The following EPM2A variants were observed in gnomAD, a reference collection of about 807,000 sequenced individuals.
The protein encoded by EPM2A is laforin.
Under a neutral mutation model 26.5 loss-of-function variants are expected in EPM2A, and 21 were observed. The observed-to-expected ratio is 0.79, with a 90% CI of 0.56 to 1.14. The LOEUF (loss-of-function observed/expected upper bound fraction) is 1.14. Ranked by LOEUF, EPM2A falls within the 50% of genes most tolerant of loss-of-function variation. EPM2A has a pLI of 0.00. For missense variants in EPM2A, 458 were observed against 440.8 expected (o/e 1.04, Z -0.35); for synonymous variants, 217 against 177.6 (o/e 1.22, Z -1.76).
At chr6:145,725,458 T>A (rs538041478) in intron 1 of EPM2A, among the ~76,000 whole-genome samples, 9 of 152,154 alleles carry the variant, frequency 5.9e-5, no homozygotes, top group Admixed American at 2.0e-4. Context: ...GATATAAAAA[T>A]TCATACCTAC....
intron 1 of EPM2A, among the ~76,000 whole-genome samples, chr6:145,720,092 C>G (rs887889953): frequency 1.3e-5 from 2 of 152,060 alleles, no homozygotes; most frequent in African/African-American, 4.8e-5. Context: ...AAGTACATCC[C>G]TCTAAGAGAT....
chr6:145,390,421 A>G (rs1172859594), intron 4 of EPM2A, among the ~76,000 whole-genome samples: 2 of 151,902 alleles, frequency 1.3e-5, no homozygotes, highest in Non-Finnish European at 2.9e-5. Context: ...GGTACCCTTC[A>G]TGGCATAAAC....
At chr6:145,653,781 A>C (rs954095215) in intron 2 of EPM2A, among the ~76,000 whole-genome samples, 1 of 152,182 alleles carries the variant, frequency 6.6e-6, no homozygotes, top group African/African-American at 2.4e-5. Context: ...CGATTGAGTG[A>C]AGCCCACTCA....
At chr6:145,445,544 A>G (rs1273084476) in intron 4 of EPM2A, among the ~76,000 whole-genome samples, 2 of 152,180 alleles carry the variant, frequency 1.3e-5, no homozygotes, top group East Asian at 1.9e-4. Context: ...GGTATTCTAA[A>G]ATTCTACAGA....
At chr6:145,610,144 G>C (rs994301844) in intron 2 of EPM2A, among the ~76,000 whole-genome samples, 2 of 151,732 alleles carry the variant, frequency 1.3e-5, no homozygotes, top group Non-Finnish European at 2.9e-5. Flanking sequence ...AACCCGGGAG[G>C]AGGAGGTTGC....
intron 4 of EPM2A, among the ~76,000 whole-genome samples, chr6:145,422,141 C>T (rs139633886): frequency 7.0e-6 from 1 of 143,464 alleles, no homozygotes; most frequent in East Asian, 2.0e-4. Flanking sequence ...ATACACATCT[C>T]TATATATTAA....
intron 1 of EPM2A, among the ~76,000 whole-genome samples, chr6:145,711,199 A>G (rs1398176709): frequency 6.6e-6 from 1 of 152,200 alleles, no homozygotes; most frequent in Non-Finnish European, 1.5e-5. Flanking sequence ...CCAGTTGATT[A>G]TCAAAAGCAC....
chr6:145,571,293 A>T (rs1420590541), intron 2 of EPM2A, among the ~76,000 whole-genome samples: 1 of 152,216 alleles, frequency 6.6e-6, no homozygotes, highest in Non-Finnish European at 1.5e-5. Context: ...TTATGACTTC[A>T]AAAGGCCATT....
At chr6:145,576,266 G>C (rs9497352) in intron 2 of EPM2A, among the ~76,000 whole-genome samples, 4,834 of 152,214 alleles carry the variant, frequency 0.032, 88 homozygotes, top group African/African-American at 0.057. Context: ...ATTAACTCCT[G>C]GTAATCAAAA....
chr6:145,500,148 C>G (rs391820), downstream of EPM2A, among the ~76,000 whole-genome samples: 2 of 151,880 alleles, frequency 1.3e-5, no homozygotes, highest in Non-Finnish European at 2.9e-5. Flanking sequence ...TGAGCCAGTA[C>G]GACAGAATTT....
At chr6:145,685,970 C>T (rs1780871748) in intron 2 of EPM2A, 152 bp downstream of exon 2, 3 of 703,686 alleles carry the variant, frequency 4.3e-6, no homozygotes, top group Non-Finnish European at 5.0e-6. Flanking sequence ...ATCTCACACA[C>T]TGATTCACTG....
At chr6:145,585,769 T>G (rs1781188644) in intron 2 of EPM2A, among the ~76,000 whole-genome samples, 1 of 152,222 alleles carries the variant, frequency 6.6e-6, no homozygotes, top group African/African-American at 2.4e-5. Context: ...GGTATACAAT[T>G]AAGTTACTTG....
At chr6:145,400,768 T>C (rs1391388346) in intron 4 of EPM2A, among the ~76,000 whole-genome samples, 2 of 152,212 alleles carry the variant, frequency 1.3e-5, no homozygotes, top group African/African-American at 4.8e-5. Flanking sequence ...ACCTGTTAAA[T>C]ATATGTACTT....
In EPM2A at chr6:145,733,465, T is replaced by C. The variant is rs375526205; in HGVS notation, c.301+1733A>G. On this transcript the variant is annotated intron_variant, in intron 1 of 3. Transcript: ENST00000367519. ...TATATATAACTTATATGGTAACTATTAGAAAAATTAAAAACAAAAGTTTGT... is the reference window on the plus strand; with the variant it reads ...TATATATAACTTATATGGTAACTATCAGAAAAATTAAAAACAAAAGTTTGT... Among the ~76,000 whole-genome samples, 7 of 152,092 alleles carry C rather than the reference T, an allele frequency of 4.6e-5. No individual in the cohort carries two copies. In the East Asian group the frequency reaches 7.7e-4, roughly 17 times the overall value.
At position 145,426,366 on chromosome 6, in the gene EPM2A, C is replaced by T. The variant is rs1341170915; in HGVS notation, c.556-42269G>A. On this transcript the variant is annotated intron_variant, in intron 4 of 4. Coordinates refer to the EPM2A transcript ENST00000638717. ...AAACTTTCTCCTTTGGCAGTACAAT[C>T]TCTCAAAACCAGATTCGCATCAAAA... Among the ~76,000 whole-genome samples, 4 of 152,302 alleles carry T rather than the reference C, an allele frequency of 2.6e-5. No homozygotes were observed. In the East Asian group the frequency reaches 5.8e-4, roughly 22 times the overall value.
intron 4 of EPM2A, among the ~76,000 whole-genome samples, chr6:145,460,828 A>G (rs181230698): frequency 3.9e-5 from 6 of 152,280 alleles, no homozygotes; most frequent in South Asian, 2.1e-4. Flanking sequence ...CAAATCCCCA[A>G]TGTAATCAGT....
chr6:145,518,283 A>T (rs1780156745), intron 2 of EPM2A, among the ~76,000 whole-genome samples: 1 of 152,180 alleles, frequency 6.6e-6, no homozygotes, highest in African/African-American at 2.4e-5. Flanking sequence ...GATTTCAGAG[A>T]AGTAGAGAAA....
At chr6:145,613,840 A>G (rs539970911) in intron 2 of EPM2A, among the ~76,000 whole-genome samples, 100 of 152,206 alleles carry the variant, frequency 6.6e-4, no homozygotes, top group Non-Finnish European at 1.0e-3. Context: ...GGCAGATAAG[A>G]TTTAGCATAA....
At chr6:145,566,482 A>C (rs977684806) in intron 2 of EPM2A, among the ~76,000 whole-genome samples, 11 of 152,158 alleles carry the variant, frequency 7.2e-5, no homozygotes, top group Non-Finnish European at 1.0e-4. Flanking sequence ...TCTCACCTGT[A>C]TAATGCCCCT....
Sources: gnomAD v4.1 joint callset for allele counts (sites outside exome capture counted in the v4.1 genomes callset) on GRCh38, gnomAD v4.1.1 for gene constraint, MANE v1.5 for transcripts, NCBI Gene and HGNC (gene_info 2026-07-23, HGNC 2026-07-21) for gene names.